The following MACROD2 variants were observed in gnomAD, a reference collection of about 807,000 sequenced individuals.
The protein encoded by MACROD2 is ADP-ribose glycohydrolase MACROD2.
In MACROD2, 36 loss-of-function variants were observed where a neutral mutation model predicts 70.4. The observed-to-expected ratio is 0.51, with a 90% confidence interval of 0.39 to 0.68. The LOEUF is 0.68. Ranked by LOEUF, MACROD2 falls within the 30% of genes least tolerant of loss-of-function variation. The pLI is 0.00. For synonymous variants in MACROD2, 172 were observed against 178.8 expected, an observed-to-expected ratio of 0.96 and a Z score of 0.30; for missense variants, 496 against 538.4, an observed-to-expected ratio of 0.92 and a Z score of 0.78.
intron 5 of MACROD2, among the ~76,000 whole-genome samples, chr20:15,025,483 G>C (rs866854287): frequency 6.6e-6 from 1 of 151,848 alleles, no homozygotes. Context: ...TGAAACAAAG[G>C]GGGTGGGGGA....
At chr20:15,261,239 G>C (rs1186564594) in intron 6 of MACROD2, among the ~76,000 whole-genome samples, 1 of 151,804 alleles carries the variant, frequency 6.6e-6, no homozygotes, top group East Asian at 1.9e-4. Flanking sequence ...CTTGGAGAAG[G>C]CCAGTTTGGT....
chr20:14,259,441 C>G (rs1281011244), intron 3 of MACROD2, among the ~76,000 whole-genome samples: 2 of 152,030 alleles, frequency 1.3e-5, no homozygotes, highest in African/African-American at 4.8e-5. Flanking sequence ...AGCTATTTTG[C>G]TTTGTTTCTG....
intron 5 of MACROD2, among the ~76,000 whole-genome samples, chr20:15,111,839 G>A (rs1380624295): frequency 2.0e-5 from 3 of 152,216 alleles, no homozygotes; most frequent in African/African-American, 7.2e-5. Context: ...ACTGGGAGGT[G>A]CCCAGCTCTG....
intron 15 of MACROD2, among the ~76,000 whole-genome samples, chr20:15,997,181 T>G (rs997004082): frequency 7.9e-5 from 12 of 152,156 alleles, no homozygotes; most frequent in Non-Finnish European, 1.5e-4. Context: ...GCTTTGACTA[T>G]TTGGGATATT....
At chr20:15,052,046 C>T (rs1031298499) in intron 5 of MACROD2, among the ~76,000 whole-genome samples, 4 of 152,132 alleles carry the variant, frequency 2.6e-5, no homozygotes, top group Non-Finnish European at 5.9e-5. Flanking sequence ...CCACTGCGCC[C>T]GGCCGGCCTA....
At chr20:14,983,772 G>A (rs997624714) in intron 5 of MACROD2, among the ~76,000 whole-genome samples, 12 of 152,160 alleles carry the variant, frequency 7.9e-5, no homozygotes, top group South Asian at 2.1e-4. Flanking sequence ...GCTAATATGT[G>A]TGTGTGTGCA....
At chr20:15,153,822 T>C (rs2076288303) in intron 5 of MACROD2, among the ~76,000 whole-genome samples, 1 of 152,166 alleles carries the variant, frequency 6.6e-6, no homozygotes, top group Non-Finnish European at 1.5e-5. Flanking sequence ...TCTTTATCTG[T>C]GTGCTGGTTG....
chr20:15,218,962 C>T (rs974871194), intron 5 of MACROD2, among the ~76,000 whole-genome samples: 1 of 152,010 alleles, frequency 6.6e-6, no homozygotes, highest in African/African-American at 2.4e-5. Context: ...AGGAGAATGG[C>T]ATGAACCCGG....
chr20:14,257,485 G>A (rs1300941495), intron 3 of MACROD2, among the ~76,000 whole-genome samples: 3 of 151,948 alleles, frequency 2.0e-5, no homozygotes, highest in Non-Finnish European at 4.4e-5. Flanking sequence ...AAAAAGTATA[G>A]TATAGCTTTA....
chr20:15,375,660 T>G (rs1190815707), intron 6 of MACROD2, among the ~76,000 whole-genome samples: 2 of 152,210 alleles, frequency 1.3e-5, no homozygotes, highest in Non-Finnish European at 2.9e-5. Context: ...CATTTGTTTC[T>G]GTATTTTGTT....
At chr20:16,035,437 A>G (rs1282727952) in intron 15 of MACROD2, among the ~76,000 whole-genome samples, 1 of 151,738 alleles carries the variant, frequency 6.6e-6, no homozygotes, top group Non-Finnish European at 1.5e-5. Flanking sequence ...TCTCCTTTGT[A>G]TACATTAATT....
intron 12 of MACROD2, among the ~76,000 whole-genome samples, chr20:15,952,128 A>T (rs2065915023): frequency 6.7e-6 from 1 of 148,360 alleles, no homozygotes; most frequent in South Asian, 2.3e-4. Context: ...TCCATGTAAG[A>T]TGTCACTTGC....
At chr20:14,809,623 T>C (rs2072684022) in intron 5 of MACROD2, among the ~76,000 whole-genome samples, 1 of 151,890 alleles carries the variant, frequency 6.6e-6, no homozygotes, top group Admixed American at 6.6e-5. Context: ...AAAAAAACTC[T>C]TCAAAAAAAT....
rs143316798 is a variant in MACROD2 at position 14,555,352 on chromosome 20, C to A, written c.301+61844C>A. 9.8e-3 allele frequency among the ~76,000 whole-genome samples: 1,492 copies of A among 152,072 alleles called. 11 individuals carry two copies. The highest frequency in any genetic ancestry group is 0.014 in the Non-Finnish European group (962 of 67,946). ...AATTCTAGTAGAATTTGGGAGAATT[C>A]TAATTTAAACCAATTCTGGTGTTCC... On this transcript the variant is annotated intron_variant, in intron 4 of 17. Transcript: ENST00000684519.
chr20:15,143,355 G>T (rs963422871), intron 5 of MACROD2, among the ~76,000 whole-genome samples: 17 of 152,128 alleles, frequency 1.1e-4, no homozygotes, highest in African/African-American at 4.1e-4. Context: ...TTTTGATGGG[G>T]TTGTTTGATT....
intron 4 of MACROD2, among the ~76,000 whole-genome samples, chr20:14,647,326 C>A (rs1430647621): frequency 6.6e-6 from 1 of 152,114 alleles, no homozygotes; most frequent in Non-Finnish European, 1.5e-5. Flanking sequence ...TTCAGCAGCT[C>A]ATGCTTTCCT....
intron 5 of MACROD2, among the ~76,000 whole-genome samples, chr20:14,864,691 G>A (rs376407): frequency 0.093 from 14,075 of 152,086 alleles, 827 homozygotes; most frequent in Non-Finnish European, 0.13. Context: ...ATGCCAGCTG[G>A]AGGAATTTTA....
chr20:16,023,271 C>T (rs955235880), intron 15 of MACROD2, among the ~76,000 whole-genome samples: 3 of 151,374 alleles, frequency 2.0e-5, no homozygotes, highest in Non-Finnish European at 4.4e-5. Flanking sequence ...GTCAGGAGAT[C>T]GAGACTGTCC....
chr20:15,636,000 G>A (rs527540097), intron 8 of MACROD2, among the ~76,000 whole-genome samples: 18 of 147,540 alleles, frequency 1.2e-4, no homozygotes, highest in South Asian at 9.0e-4. Context: ...CCCAAAAGGC[G>A]GAGGTTGCAG....
Sources: gnomAD v4.1 joint callset for allele counts (sites outside exome capture counted in the v4.1 genomes callset) on GRCh38, gnomAD v4.1.1 for gene constraint, MANE v1.5 for transcripts, NCBI Gene and HGNC (gene_info 2026-07-23, HGNC 2026-07-21) for gene names.